The following CSMD1 variants were observed in gnomAD, a reference collection of about 807,000 sequenced individuals.
CSMD1 encodes CUB and Sushi multiple domains 1, also known as CUB and sushi domain-containing protein 1.
In CSMD1, 213 loss-of-function variants were observed where a neutral mutation model predicts 417.5. The observed-to-expected ratio is 0.51, with a 90% CI of 0.46 to 0.57. CSMD1 has a LOEUF of 0.57. CSMD1 is among the 20% of genes least tolerant of loss of function. CSMD1 has a pLI of 0.00. For synonymous variants in CSMD1, 2,862 were observed against 1,736.8 expected (o/e 1.65, Z -16.11); for missense variants, 6,923 against 4,529.7 (o/e 1.53, Z -15.17).
intron 7 of CSMD1, among the ~76,000 whole-genome samples, chr8:3,637,373 C>T (rs1398439826): frequency 6.6e-6 from 1 of 152,018 alleles, no homozygotes; most frequent in Non-Finnish European, 1.5e-5. Context: ...AACATAAAGA[C>T]CTGAATTCAA....
chr8:4,493,319 T>G (rs938397701), intron 2 of CSMD1, among the ~76,000 whole-genome samples: 1 of 152,158 alleles, frequency 6.6e-6, no homozygotes. Context: ...TTTGTGCGTG[T>G]GTGTGTATGT....
rs73660902 is a variant in CSMD1 at position 4,532,778 on chromosome 8, A to G, written c.302+104564T>C. Among the ~76,000 whole-genome samples, 279 of 149,034 alleles carry G rather than the reference A, an allele frequency of 1.9e-3. 4 individuals are homozygous for G. The highest frequency in any genetic ancestry group is 6.6e-3 in the African/African-American group (266 of 40,274). ...CCCATTCAGTCACTCCGGAAGAGAA[A>G]TCGTGCACCCCCAATCAGTCACTCC... is the stretch of plus-strand genomic sequence containing the variant. On this transcript the variant is annotated intron_variant, in intron 2 of 69. Coordinates refer to ENST00000635120, the MANE Select transcript of CSMD1 (RefSeq NM_033225.6).
intron 3 of CSMD1, among the ~76,000 whole-genome samples, chr8:4,300,094 G>C (rs1239890442): frequency 6.6e-6 from 1 of 152,172 alleles, no homozygotes. Flanking sequence ...GATTTGATTT[G>C]CCCATTTGCT....
chr8:4,095,377 T>C (rs1046022037), intron 3 of CSMD1, among the ~76,000 whole-genome samples: 2 of 149,594 alleles, frequency 1.3e-5, no homozygotes, highest in Admixed American at 1.3e-4. Flanking sequence ...ATGTAGAAAC[T>C]AAAACAAACA....
chr8:3,068,984 T>A (rs796382097), intron 49 of CSMD1, among the ~76,000 whole-genome samples: 23 of 152,282 alleles, frequency 1.5e-4, no homozygotes, highest in African/African-American at 5.5e-4. Flanking sequence ...TCATAACTCA[T>A]TCCAGTATTA....
intron 33 of CSMD1, among the ~76,000 whole-genome samples, chr8:3,195,403 G>A (rs1295607729): frequency 6.6e-6 from 1 of 152,178 alleles, no homozygotes; most frequent in East Asian, 1.9e-4. Context: ...TGAATTACAG[G>A]CCAAAGCAAA....
chr8:4,222,988 G>A (rs561144558), intron 3 of CSMD1, among the ~76,000 whole-genome samples: 1 of 152,052 alleles, frequency 6.6e-6, no homozygotes, highest in African/African-American at 2.4e-5. Context: ...GCTGAAGTTA[G>A]ATTAAAGCAA....
chr8:3,779,496 T>C (rs1383391391), intron 5 of CSMD1, among the ~76,000 whole-genome samples: 1 of 152,176 alleles, frequency 6.6e-6, no homozygotes, highest in Non-Finnish European at 1.5e-5. Context: ...TATTCACTGA[T>C]TTCATCAAAT....
chr8:3,166,074 G>C (rs1820191439), intron 37 of CSMD1, among the ~76,000 whole-genome samples: 1 of 152,048 alleles, frequency 6.6e-6, no homozygotes, highest in Admixed American at 6.6e-5. Context: ...TGATATGATA[G>C]GAAGTAGGCA....
chr8:3,300,487 G>A lies in CSMD1; in HGVS notation c.3950+7208C>T, dbSNP rs565910226. Among the ~76,000 whole-genome samples the A allele has an allele frequency of 3.9e-5, 6 of 152,150 alleles. No individual in the cohort carries two copies. In the South Asian group the frequency reaches 6.2e-4, roughly 16 times the overall value. The stretch of plus-strand genomic sequence containing the variant: ...AGTTTTTGTTTTTATAGCAAGCTCA[G>A]GCGAGTGAAATGACTGACTCTGCTT... On this transcript the variant is annotated intron_variant, in intron 25 of 69. Coordinates refer to ENST00000635120, the MANE Select transcript of CSMD1 (RefSeq NM_033225.6).
chr8:4,217,676 G>A (rs531198492), intron 3 of CSMD1, among the ~76,000 whole-genome samples: 61 of 152,088 alleles, frequency 4.0e-4, no homozygotes, highest in African/African-American at 1.3e-3. Flanking sequence ...AAAAAATTAG[G>A]AGCTAATTTT....
chr8:4,299,061 T>A lies in CSMD1; in HGVS notation c.415+120892A>T, dbSNP rs975794950. On this transcript the variant is annotated intron_variant, in intron 3 of 69. Transcript: ENST00000635120. ...CTGTAGGAAATAAATATTCTCCTGTTAATCCTATTTCTTACTTATGATAAT... is the reference window on the plus strand; with the variant it reads ...CTGTAGGAAATAAATATTCTCCTGTAAATCCTATTTCTTACTTATGATAAT... 3.9e-4 allele frequency among the ~76,000 whole-genome samples: 60 copies of A among 152,238 alleles called. No individual in the cohort carries two copies. The Middle Eastern group carries it at 0.028, about 70-fold the overall frequency.
chr8:3,153,042 G>A (rs1346594849), intron 39 of CSMD1, among the ~76,000 whole-genome samples: 1 of 152,192 alleles, frequency 6.6e-6, no homozygotes, highest in African/African-American at 2.4e-5. Flanking sequence ...AGATGGTGAA[G>A]GCTTTCTAAG....
chr8:3,413,414 T>G (rs1812938728), intron 12 of CSMD1, among the ~76,000 whole-genome samples: 1 of 152,148 alleles, frequency 6.6e-6, no homozygotes, highest in Non-Finnish European at 1.5e-5. Context: ...TGATGTTTGT[T>G]TATCCTGATG....
intron 2 of CSMD1, among the ~76,000 whole-genome samples, chr8:4,492,442 AT>A (rs1433587336): frequency 6.6e-6 from 1 of 152,182 alleles, no homozygotes; most frequent in Non-Finnish European, 1.5e-5. Context: ...CTCAAATTAT[AT>A]TTTACATCAC....
chr8:4,909,826 G>T (rs1406243598), intron 1 of CSMD1, among the ~76,000 whole-genome samples: 1 of 152,084 alleles, frequency 6.6e-6, no homozygotes, highest in Non-Finnish European at 1.5e-5. Flanking sequence ...ATTTCCAGGT[G>T]GCAATTTAAC....
At chr8:3,630,567 G>A (rs541338328) in intron 7 of CSMD1, among the ~76,000 whole-genome samples, 166 of 152,306 alleles carry the variant, frequency 1.1e-3, no homozygotes, top group Non-Finnish European at 1.5e-3. Context: ...GAGGAAGAAG[G>A]AGAGGAGGAT....
intron 10 of CSMD1, among the ~76,000 whole-genome samples, chr8:3,512,924 G>C (rs973102647): frequency 6.6e-6 from 1 of 152,004 alleles, no homozygotes; most frequent in Admixed American, 6.6e-5. Context: ...TAACACGTGG[G>C]CCCGTTGTAT....
intron 3 of CSMD1, among the ~76,000 whole-genome samples, chr8:4,260,062 T>G (rs781715619): frequency 2.2e-4 from 33 of 152,014 alleles, no homozygotes; most frequent in Non-Finnish European, 4.4e-4. Context: ...AGGGAAGTGT[T>G]GTCTTAGAGA....
Sources: gnomAD v4.1 joint callset for allele counts (sites outside exome capture counted in the v4.1 genomes callset) on GRCh38, gnomAD v4.1.1 for gene constraint, MANE v1.5 for transcripts, NCBI Gene and HGNC (gene_info 2026-07-23, HGNC 2026-07-21) for gene names.